GRM7: variants seen among roughly 807,000 people sequenced by gnomAD.
GRM7 encodes metabotropic glutamate receptor 7.
GRM7 carries 35 observed loss-of-function variants against 84.5 expected under a neutral mutation model. The ratio of observed to expected loss-of-function variants is 0.41; its 90% CI spans 0.32 to 0.55. The LOEUF (loss-of-function observed/expected upper bound fraction) is 0.55. Among genes scored for constraint, GRM7 ranks in the 20% least tolerant of loss-of-function variants. The pLI is 0.19. For missense variants in GRM7, 1,003 were observed against 1,194.6 expected (o/e 0.84, Z 2.36); for synonymous variants, 487 against 455.1 (o/e 1.07, Z -0.89).
intron 9 of GRM7, among the ~76,000 whole-genome samples, chr3:7,737,168 T>C (rs970736712): frequency 3.3e-5 from 5 of 152,158 alleles, no homozygotes; most frequent in Non-Finnish European, 7.4e-5. Context: ...TAATGTCAAA[T>C]TGAGTGTTGA....
chr3:7,428,651 A>G (rs949813031), intron 5 of GRM7, among the ~76,000 whole-genome samples: 2 of 152,110 alleles, frequency 1.3e-5, no homozygotes, highest in African/African-American at 2.4e-5. Flanking sequence ...ACACAGTCAG[A>G]CATAAGGTGT....
chr3:6,924,458 C>A (rs1575020429), intron 1 of GRM7, among the ~76,000 whole-genome samples: 1 of 151,848 alleles, frequency 6.6e-6, no homozygotes, highest in East Asian at 1.9e-4. Context: ...GTTACTTACA[C>A]CAATTAAATA....
intron 1 of GRM7, among the ~76,000 whole-genome samples, chr3:7,087,583 G>T (rs1044550029): frequency 1.3e-5 from 2 of 152,030 alleles, no homozygotes; most frequent in African/African-American, 4.8e-5. Flanking sequence ...TGATAAAATT[G>T]TTCCCCAGAA....
intron 7 of GRM7, among the ~76,000 whole-genome samples, chr3:7,550,201 A>C (rs1163400465): frequency 5.3e-5 from 8 of 151,712 alleles, no homozygotes; most frequent in South Asian, 2.1e-4. Context: ...CCAAAAAAAA[A>C]CCTAAAAGGT....
intron 1 of GRM7, among the ~76,000 whole-genome samples, chr3:6,939,794 A>T (rs185867948): frequency 1.2e-4 from 19 of 152,234 alleles, no homozygotes; most frequent in African/African-American, 4.3e-4. Flanking sequence ...CAGGCTAAGG[A>T]TGTTTTCTGG....
At chr3:7,646,219 T>A (rs985461673) in intron 8 of GRM7, among the ~76,000 whole-genome samples, 1 of 152,040 alleles carries the variant, frequency 6.6e-6, no homozygotes, top group African/African-American at 2.4e-5. Flanking sequence ...TGAGATGGAG[T>A]CTCACTCTGT....
chr3:7,713,417 T>A (rs1701661264), intron 9 of GRM7, among the ~76,000 whole-genome samples: 1 of 151,958 alleles, frequency 6.6e-6, no homozygotes, highest in Admixed American at 6.6e-5. Context: ...AGATTACAGG[T>A]GTGAGCCACC....
chr3:7,110,849 C>T (rs185177010), intron 1 of GRM7, among the ~76,000 whole-genome samples: 5 of 151,892 alleles, frequency 3.3e-5, no homozygotes, highest in African/African-American at 1.2e-4. Flanking sequence ...GTGTGTATAC[C>T]AAGCAGATGA....
At chr3:7,089,708 C>G (rs962689425) in intron 1 of GRM7, among the ~76,000 whole-genome samples, 3 of 152,104 alleles carry the variant, frequency 2.0e-5, no homozygotes, top group African/African-American at 7.2e-5. Flanking sequence ...GACAACCTTA[C>G]ATTTTTAGTT....
intron 1 of GRM7, among the ~76,000 whole-genome samples, chr3:6,978,188 GAC>G (rs1272512218): frequency 6.6e-6 from 1 of 152,148 alleles, no homozygotes; most frequent in Non-Finnish European, 1.5e-5. Context: ...CAGCAGAAGA[GAC>G]ACAGAGAAAA....
chr3:7,586,453 A>G (rs188781129), intron 8 of GRM7, among the ~76,000 whole-genome samples: 4 of 152,240 alleles, frequency 2.6e-5, no homozygotes, highest in East Asian at 1.9e-4. Flanking sequence ...CTGAAAAGGT[A>G]AATGGATAAA....
chr3:7,034,706 A>G (rs1291451763), intron 1 of GRM7, among the ~76,000 whole-genome samples: 1 of 152,192 alleles, frequency 6.6e-6, no homozygotes, highest in Non-Finnish European at 1.5e-5. Context: ...AAAGATCAGT[A>G]AGAAGTCACA....
intron 1 of GRM7, among the ~76,000 whole-genome samples, chr3:6,973,286 A>T (rs1167026399): frequency 4.0e-5 from 6 of 151,724 alleles, no homozygotes; most frequent in Non-Finnish European, 8.8e-5. Context: ...TCTTTCTTTC[A>T]TTGAGCAACT....
intron 2 of GRM7, among the ~76,000 whole-genome samples, chr3:7,155,584 C>T (rs1431238539): frequency 6.6e-6 from 1 of 152,144 alleles, no homozygotes; most frequent in Non-Finnish European, 1.5e-5. Context: ...ATTTATTGGA[C>T]TTCAACTGCT....
chr3:7,319,244 C>G (rs1700687721), intron 4 of GRM7, among the ~76,000 whole-genome samples: 1 of 151,888 alleles, frequency 6.6e-6, no homozygotes, highest in African/African-American at 2.4e-5. Flanking sequence ...GGTGCATTAG[C>G]TGAAAAAAGT....
chr3:7,726,497 T>C (rs990042952), intron 9 of GRM7, among the ~76,000 whole-genome samples: 38 of 150,714 alleles, frequency 2.5e-4, no homozygotes, highest in African/African-American at 9.0e-4. Context: ...CATTTCTCCC[T>C]ACATTTTATT....
chr3:7,675,639 T>C (rs1386401592), intron 8 of GRM7, among the ~76,000 whole-genome samples: 1 of 152,258 alleles, frequency 6.6e-6, no homozygotes, highest in African/African-American at 2.4e-5. Context: ...TTATGCACTT[T>C]AATAGAATAT....
At chr3:6,890,415 G>T (rs1288601967) in intron 1 of GRM7, among the ~76,000 whole-genome samples, 5 of 152,098 alleles carry the variant, frequency 3.3e-5, no homozygotes, top group Admixed American at 3.3e-4. Context: ...GTGTCCCAGA[G>T]ATTCTGGTAT....
chr3:6,923,139 C>T (rs1348559131), intron 1 of GRM7, among the ~76,000 whole-genome samples: 6 of 152,012 alleles, frequency 3.9e-5, no homozygotes, highest in Admixed American at 6.6e-5. Flanking sequence ...CTCAGCTTCC[C>T]GAGTAGCTGG....
Sources: gnomAD v4.1 joint callset for allele counts (sites outside exome capture counted in the v4.1 genomes callset) on GRCh38, gnomAD v4.1.1 for gene constraint, MANE v1.5 for transcripts, NCBI Gene and HGNC (gene_info 2026-07-23, HGNC 2026-07-21) for gene names.